Variants in SLIT3 observed in about 807,000 individuals in gnomAD.
SLIT3 encodes slit homolog 3 protein.
A neutral mutation model predicts 184.0 loss-of-function variants in SLIT3; 68 were observed. The observed-to-expected ratio is 0.37, with a 90% CI of 0.30 to 0.45. SLIT3 has a LOEUF of 0.45. Ranked by LOEUF, SLIT3 falls within the 20% of genes least tolerant of loss-of-function variation. SLIT3 has a pLI of 1.00. For missense variants in SLIT3, 1,707 were observed against 2,026.0 expected (o/e 0.84, Z 3.02); for synonymous variants, 831 against 828.6 (o/e 1.00, Z -0.05).
intron 4 of SLIT3, among the ~76,000 whole-genome samples, chr5:168,977,810 C>A (rs755325158): frequency 6.6e-6 from 1 of 152,038 alleles, no homozygotes; most frequent in Non-Finnish European, 1.5e-5. Flanking sequence ...TCTGGCTAAG[C>A]AGCCAAAAGA....
At chr5:169,240,539 G>A in intron 3 of SLIT3, among the ~76,000 whole-genome samples, 1 of 145,694 alleles carries the variant, frequency 6.9e-6, no homozygotes, top group South Asian at 2.2e-4. Flanking sequence ...TTAATAGAGT[G>A]ACACTAACCT....
intron 4 of SLIT3, among the ~76,000 whole-genome samples, chr5:169,067,344 T>G (rs1270768721): frequency 6.6e-6 from 1 of 151,954 alleles, no homozygotes; most frequent in African/African-American, 2.4e-5. Context: ...AAGCAGAAGT[T>G]GCAGTGAGCA....
chr5:169,232,896 C>T (rs758921466), intron 3 of SLIT3, among the ~76,000 whole-genome samples: 1 of 152,180 alleles, frequency 6.6e-6, no homozygotes, highest in Non-Finnish European at 1.5e-5. Flanking sequence ...TTAAGTATTC[C>T]AATACATGAA....
intron 33 of SLIT3, among the ~76,000 whole-genome samples, chr5:168,672,543 A>C (rs1036393352): frequency 6.6e-6 from 1 of 152,084 alleles, no homozygotes; most frequent in Admixed American, 6.5e-5. Flanking sequence ...TGGCACAATC[A>C]TGGCTCACTG....
At chr5:168,878,357 T>C (rs1425656285) in intron 5 of SLIT3, among the ~76,000 whole-genome samples, 1 of 152,250 alleles carries the variant, frequency 6.6e-6, no homozygotes, top group Admixed American at 6.5e-5. Flanking sequence ...GTCCCTTCAC[T>C]GAGAGCATCA....
intron 4 of SLIT3, among the ~76,000 whole-genome samples, chr5:169,092,346 G>A (rs1374035335): frequency 6.6e-6 from 1 of 152,202 alleles, no homozygotes; most frequent in African/African-American, 2.4e-5. Context: ...GCCATGAGGA[G>A]TGGCAGTGTT....
chr5:168,759,781 G>A (rs1189392527), intron 16 of SLIT3, among the ~76,000 whole-genome samples: 2 of 152,126 alleles, frequency 1.3e-5, no homozygotes, highest in African/African-American at 2.4e-5. Flanking sequence ...GTGAGTCGGC[G>A]AATTCTCAAA....
At chr5:168,760,560 C>G (rs934595739) in intron 16 of SLIT3, among the ~76,000 whole-genome samples, 5 of 152,212 alleles carry the variant, frequency 3.3e-5, no homozygotes, top group African/African-American at 4.8e-5. Context: ...GTCCCACCCA[C>G]CAGCCCTGGG....
intron 4 of SLIT3, among the ~76,000 whole-genome samples, chr5:169,050,503 C>T (rs1757778779): frequency 6.6e-6 from 1 of 152,192 alleles, no homozygotes; most frequent in African/African-American, 2.4e-5. Context: ...TTGGTTCATT[C>T]ATCAAATATC....
In SLIT3 at chr5:168,724,451, G is replaced by A; in HGVS notation, c.2304C>T (p.Pro768=). ...GGTGTCGGAGGGCGGACAGCTCTCT[G>A]GGCACGGCTGTTAGGTGGTTTCCTT... The part of the protein sequence containing the change: ...YLEGNHLTAV[P]RELSALRHLT... The change falls in exon 21 of 36, where the codon CCC becomes CCT. Residue 768 remains proline (P), a synonymous_variant. Coordinates refer to ENST00000519560, the MANE Select transcript of SLIT3 (RefSeq NM_003062.4). 6.2e-7 allele frequency: 1 copy of A among 1,613,164 alleles called. No individual in the cohort carries two copies. The highest frequency in any genetic ancestry group is 8.5e-7 in the Non-Finnish European group (1 of 1,179,476).
chr5:168,778,670 T>C (rs1339265966), intron 12 of SLIT3, among the ~76,000 whole-genome samples: 2 of 152,242 alleles, frequency 1.3e-5, no homozygotes, highest in Non-Finnish European at 2.9e-5. Context: ...TGGGAGCTGA[T>C]ATGCCTGGCT....
chr5:169,270,102 T>C (rs565522787), intron 1 of SLIT3, among the ~76,000 whole-genome samples: 359 of 152,326 alleles, frequency 2.4e-3, no homozygotes, highest in African/African-American at 8.2e-3. Flanking sequence ...TCCTCAGCCA[T>C]TGCCACAAAG....
In SLIT3 at chr5:169,251,403, T is replaced by G; in HGVS notation, c.254A>C (p.Lys85Thr). ...RITKMDFAGL[K>T]NLRVLHLEDN... Reference sequence around the variant, plus strand: ...AACTACTTACAAGACTCGGAGGTTCTTGAGCCCAGCGAAGTCCATCTTGGT... The same window carrying G: ...AACTACTTACAAGACTCGGAGGTTCGTGAGCCCAGCGAAGTCCATCTTGGT... Residue 85 changes from lysine to threonine, a missense_variant, in exon 2 of 36, where the codon AAG becomes ACG. By Grantham distance (78) the Lys-to-Thr change is moderately conservative. Around this residue, in one of 3 missense-constraint regions of SLIT3, gnomAD observed 1,307 missense variants for 1,511.6 expected, o/e 0.86. Transcript: ENST00000519560. 1 of 1,612,878 alleles carries G rather than the reference T, an allele frequency of 6.2e-7. No homozygotes were observed.
intron 4 of SLIT3, among the ~76,000 whole-genome samples, chr5:168,918,223 A>G (rs890749073): frequency 2.0e-5 from 3 of 152,088 alleles, no homozygotes; most frequent in Admixed American, 2.0e-4. Flanking sequence ...AGATGAAATC[A>G]GGTAATGACA....
rs1478827489 is a variant in SLIT3 at position 168,685,840 on chromosome 5, G to A, written c.3402C>T (p.Cys1134=). The change falls in exon 31 of 36, where the codon TGC becomes TGT. Residue 1134 remains cysteine, a synonymous_variant. Transcript: ENST00000519560. ...AGGTGGGCTCCTGCTGCACCACGAT[G>A]CACTGGGCCCCGTTCTGGCACTCGT... ...DQYECQNGAQ[C]IVVQQEPTCR... The A allele has an allele frequency of 6.2e-7, 1 of 1,613,948 alleles. No individual in the cohort carries two copies.
At chr5:168,915,451 C>T (rs532004052) in intron 4 of SLIT3, among the ~76,000 whole-genome samples, 180 of 152,162 alleles carry the variant, frequency 1.2e-3, no homozygotes, top group African/African-American at 4.2e-3. Flanking sequence ...CGAATTGGTT[C>T]GCTGTTGTCA....
intron 4 of SLIT3, among the ~76,000 whole-genome samples, chr5:169,109,911 A>G (rs1001846730): frequency 1.2e-4 from 19 of 152,186 alleles, no homozygotes; most frequent in Non-Finnish European, 2.4e-4. Flanking sequence ...ACCGTGTGCC[A>G]GTTGCTGAGA....
chr5:169,185,702 C>A (rs970862452), intron 4 of SLIT3, among the ~76,000 whole-genome samples: 4 of 152,198 alleles, frequency 2.6e-5, no homozygotes, highest in Non-Finnish European at 5.9e-5. Context: ...TAGCAGAAAG[C>A]ACTACCTAGA....
chr5:168,748,340 G>A lies in SLIT3; in HGVS notation c.2232C>T (p.Arg744=), dbSNP rs779092935. ...CCTTGGGCATGCCTCTGGGGAGGGC[G>A]CGGAGCCCCTTGTTGCTGCATCGCA... is the stretch of plus-strand genomic sequence containing the variant. The part of the protein sequence containing the change: ...TVVRCSNKGL[R]ALPRGMPKDV... The change falls in exon 20 of 36, where the codon CGC becomes CGT. Residue 744 remains arginine (R), a synonymous_variant. Transcript: ENST00000519560. The A allele has an allele frequency of 1.7e-5, 25 of 1,493,826 alleles. No individual in the cohort carries two copies. The South Asian group carries it at 1.9e-4, about 11-fold the overall frequency. The allele number at this position is 1,493,826 out of a possible 1,614,324, so 92.5% of individuals were successfully genotyped here. A position where few individuals can be genotyped will look rare whatever the true frequency, so the allele number is the denominator to read the frequency against.
Sources: gnomAD v4.1 joint callset for allele counts (sites outside exome capture counted in the v4.1 genomes callset) on GRCh38, gnomAD v4.1.1 for gene constraint, gnomAD v4.1.1 regional missense constraint, MANE v1.5 for transcripts, NCBI Gene and HGNC (gene_info 2026-07-23, HGNC 2026-07-21) for gene names.